The following PTPRG variants were observed in gnomAD, a reference collection of about 807,000 sequenced individuals.
PTPRG encodes the protein receptor-type tyrosine-protein phosphatase gamma.
A neutral mutation model predicts 165.3 loss-of-function variants in PTPRG; 102 were observed. The ratio of observed to expected loss-of-function variants is 0.62; its 90% CI spans 0.53 to 0.73. PTPRG has a LOEUF of 0.73. PTPRG is among the 30% of genes least tolerant of loss of function. The pLI is 0.00. For missense variants in PTPRG, 1,866 were observed against 1,861.4 expected (o/e 1.00, Z -0.05); for synonymous variants, 675 against 669.5 (o/e 1.01, Z -0.13).
At chr3:61,888,812 T>C (rs1331220343) in intron 2 of PTPRG, among the ~76,000 whole-genome samples, 1 of 152,206 alleles carries the variant, frequency 6.6e-6, no homozygotes, top group Non-Finnish European at 1.5e-5. Flanking sequence ...TTGTCATGTC[T>C]TTTTAGTCTC....
chr3:62,003,316 T>G, intron 3 of PTPRG, 33 bp from the exon 4 acceptor site: 1 of 1,586,940 alleles, frequency 6.3e-7, no homozygotes, highest in Non-Finnish European at 8.6e-7. Flanking sequence ...GAAACTCACT[T>G]TGTTTTCCTC....
chr3:61,924,206 C>T (rs1369307337), intron 2 of PTPRG, among the ~76,000 whole-genome samples: 1 of 152,144 alleles, frequency 6.6e-6, no homozygotes, highest in East Asian at 1.9e-4. Flanking sequence ...AGTCAGGTGG[C>T]CTGTCCTTCT....
At chr3:61,843,977 T>C (rs2036729201) in intron 2 of PTPRG, among the ~76,000 whole-genome samples, 2 of 151,366 alleles carry the variant, frequency 1.3e-5, no homozygotes, top group African/African-American at 4.8e-5. Flanking sequence ...TTTTTTTTTT[T>C]TTTTGAAATG....
rs1576172994 is a variant in PTPRG at position 62,243,961 on chromosome 3, T to G, written c.2467+63T>G. 8 of 1,059,642 alleles carry G rather than the reference T, an allele frequency of 7.5e-6. No individual in the cohort carries two copies. In the East Asian group the frequency reaches 1.7e-4, roughly 22 times the overall value. The allele number at this position is 1,059,642 out of a possible 1,614,324, so 65.6% of individuals were successfully genotyped here. ...TGTTTTTCTCTTTTATTCTCAGTTT[T>G]ATGTGATAAAACAACAAAATATTTT... On this transcript the variant is annotated intron_variant, in intron 15 of 29. Transcript: ENST00000474889.
intron 1 of PTPRG, among the ~76,000 whole-genome samples, chr3:61,736,144 G>A (rs1163142065): frequency 6.6e-6 from 1 of 151,834 alleles, no homozygotes. Flanking sequence ...CTGAGCTCAG[G>A]CAATCCGCCT....
intron 2 of PTPRG, among the ~76,000 whole-genome samples, chr3:61,983,273 A>G (rs1028539308): frequency 6.6e-6 from 1 of 152,194 alleles, no homozygotes; most frequent in South Asian, 2.1e-4. Flanking sequence ...TAATTAAAAC[A>G]TGGAATAATT....
chr3:62,275,204 A>ATTT (rs953679623), intron 23 of PTPRG, among the ~76,000 whole-genome samples: 3 of 152,218 alleles, frequency 2.0e-5, no homozygotes, highest in African/African-American at 7.2e-5. Flanking sequence ...TACTTATAAA[A>ATTT]GCCTTAGAAC....
Position 61,743,187 on chromosome 3 carries a change from T to A in PTPRG, c.86-5691T>A, listed in dbSNP as rs902813307. On this transcript the variant is annotated intron_variant, in intron 1 of 29. Transcript: ENST00000474889. ...TTTTTGCTTCGGGCTGGAAATGAGG[T>A]AGGCTCAGTAGAAGTTCTGAGAAGA... The A allele has an allele frequency of 8.1e-6, 6 of 744,916 alleles. No individual in the cohort carries two copies. In the African/African-American group the frequency reaches 1.0e-4, roughly 13 times the overall value. The allele number at this position is 744,916 out of a possible 1,614,324, so 46.1% of individuals were successfully genotyped here.
chr3:61,913,234 T>G (rs1357049798), intron 2 of PTPRG, among the ~76,000 whole-genome samples: 1 of 152,222 alleles, frequency 6.6e-6, no homozygotes, highest in South Asian at 2.1e-4. Context: ...TTTATTTTTT[T>G]TCTGAGACGG....
At chr3:61,997,471 G>A (rs560516142) in intron 3 of PTPRG, among the ~76,000 whole-genome samples, 4 of 152,086 alleles carry the variant, frequency 2.6e-5, no homozygotes, top group Non-Finnish European at 5.9e-5. Flanking sequence ...TCTCTTACTC[G>A]TTACCACTAC....
chr3:61,580,465 C>T (rs1700264160), intron 1 of PTPRG, among the ~76,000 whole-genome samples: 1 of 150,528 alleles, frequency 6.6e-6, no homozygotes, highest in African/African-American at 2.5e-5. Context: ...ACTGCAACCT[C>T]TGCCTCCCAG....
chr3:62,078,681 T>C (rs547071069), intron 5 of PTPRG, among the ~76,000 whole-genome samples: 6 of 152,302 alleles, frequency 3.9e-5, no homozygotes, highest in East Asian at 3.9e-4. Context: ...TCTCTTTCCC[T>C]CTCAGAAATC....
chr3:62,065,980 A>T (rs975749459), intron 4 of PTPRG, among the ~76,000 whole-genome samples: 1 of 152,146 alleles, frequency 6.6e-6, no homozygotes, highest in South Asian at 2.1e-4. Flanking sequence ...TTTTGCAGCA[A>T]CCTTTTTCTT....
chr3:61,889,771 T>G (rs2038157486), intron 2 of PTPRG, among the ~76,000 whole-genome samples: 1 of 152,364 alleles, frequency 6.6e-6, no homozygotes, highest in East Asian at 1.9e-4. Context: ...ATTTCCATCC[T>G]AAACTGCAGA....
intron 26 of PTPRG, among the ~76,000 whole-genome samples, chr3:62,279,961 C>CACCACGT (rs1166638216): frequency 7.9e-5 from 12 of 151,976 alleles, no homozygotes; most frequent in Admixed American, 2.0e-4. Flanking sequence ...ACGTGGTGTA[C>CACCACGT]ATCATAATCA....
At chr3:61,831,948 A>G (rs918732863) in intron 2 of PTPRG, among the ~76,000 whole-genome samples, 1 of 152,242 alleles carries the variant, frequency 6.6e-6, no homozygotes, top group African/African-American at 2.4e-5. Context: ...CATCTTGTCT[A>G]TAACTATTCT....
chr3:61,872,158 G>A (rs2037602927), intron 2 of PTPRG, among the ~76,000 whole-genome samples: 1 of 152,174 alleles, frequency 6.6e-6, no homozygotes, highest in East Asian at 1.9e-4. Flanking sequence ...AAAGTAACGT[G>A]TACTTTCACT....
chr3:61,844,710 A>G (rs1163888390), intron 2 of PTPRG, among the ~76,000 whole-genome samples: 1 of 151,300 alleles, frequency 6.6e-6, no homozygotes, highest in Non-Finnish European at 1.5e-5. Context: ...GCTATATTGA[A>G]CAGGGTGGTC....
chr3:62,221,998 A>G (rs1434962350), intron 13 of PTPRG, among the ~76,000 whole-genome samples: 3 of 152,244 alleles, frequency 2.0e-5, no homozygotes, highest in Admixed American at 1.3e-4. Flanking sequence ...TGATTCTCAC[A>G]ACAGATCTGT....
Sources: gnomAD v4.1 joint callset for allele counts (sites outside exome capture counted in the v4.1 genomes callset) on GRCh38, gnomAD v4.1.1 for gene constraint, MANE v1.5 for transcripts, NCBI Gene and HGNC (gene_info 2026-07-23, HGNC 2026-07-21) for gene names.